Variants in ACTR3C observed in about 807,000 individuals in gnomAD.
ACTR3C encodes the protein actin-related protein 3C.
ACTR3C carries 18 observed loss-of-function variants against 26.3 expected under a neutral mutation model. That is an observed-to-expected ratio of 0.68 (90% CI 0.47 to 1.01). The LOEUF (loss-of-function observed/expected upper bound fraction) is 1.01, where lower values mean the gene tolerates loss of function less well. Among genes scored for constraint, ACTR3C ranks in the 50% least tolerant of loss-of-function variants. The pLI, the probability that ACTR3C is intolerant of heterozygous loss-of-function variation, is 0.00. For synonymous variants in ACTR3C, 55 were observed against 94.5 expected, an observed-to-expected ratio of 0.58 and a Z score of 2.42; for missense variants, 184 against 250.7, an observed-to-expected ratio of 0.73 and a Z score of 1.80.
the ACTR3C span, among the ~76,000 whole-genome samples, chr7:150,194,825 G>A: frequency 2.0e-5 from 3 of 152,032 alleles, no homozygotes; most frequent in Non-Finnish European, 1.5e-5. Context: ...GGGACGTGGT[G>A]CCTCACACCT....
chr7:150,321,630 C>T (rs1342812075), intron 1 of ACTR3C, among the ~76,000 whole-genome samples: 1 of 152,116 alleles, frequency 6.6e-6, no homozygotes, highest in Non-Finnish European at 1.5e-5. Context: ...GTCTTAGCTA[C>T]TTGGGAGACT....
chr7:150,146,485 T>C, the ACTR3C span, among the ~76,000 whole-genome samples: 1 of 152,232 alleles, frequency 6.6e-6, no homozygotes, highest in Non-Finnish European at 1.5e-5. Context: ...ACTTTACTAA[T>C]GAATTTAAAA....
chr7:150,168,594 C>T, the ACTR3C span, among the ~76,000 whole-genome samples: 1 of 150,884 alleles, frequency 6.6e-6, no homozygotes, highest in East Asian at 1.9e-4. Context: ...CCATCACCTG[C>T]CACTCCATAC....
the ACTR3C span, among the ~76,000 whole-genome samples, chr7:150,125,423 TAGAG>T: frequency 1.6e-3 from 234 of 143,900 alleles, no homozygotes; most frequent in African/African-American, 5.8e-3. Flanking sequence ...ATTTCTCTAA[TAGAG>T]AGTCTAGAAA....
the ACTR3C span, among the ~76,000 whole-genome samples, chr7:150,072,727 CAT>C: frequency 6.6e-6 from 1 of 152,136 alleles, no homozygotes; most frequent in Non-Finnish European, 1.5e-5. Context: ...GGCAGCCACC[CAT>C]GTTTCCGGGA....
chr7:150,319,469 A>T (rs1296702248), intron 1 of ACTR3C, among the ~76,000 whole-genome samples: 2 of 152,128 alleles, frequency 1.3e-5, no homozygotes, highest in African/African-American at 4.8e-5. Flanking sequence ...GGCCTCCCAA[A>T]GTGCTGGGAT....
chr7:149,996,598 T>A, the ACTR3C span, among the ~76,000 whole-genome samples: 3 of 151,912 alleles, frequency 2.0e-5, no homozygotes, highest in Non-Finnish European at 2.9e-5. Context: ...AATAAATAAA[T>A]AAAAAATAAA....
the ACTR3C span, among the ~76,000 whole-genome samples, chr7:149,895,512 A>G: frequency 6.6e-6 from 1 of 152,152 alleles, no homozygotes; most frequent in Admixed American, 6.5e-5. Context: ...AAAAACACAC[A>G]ATGTTATCTG....
the ACTR3C span, among the ~76,000 whole-genome samples, chr7:150,087,542 T>C: frequency 6.6e-6 from 1 of 152,220 alleles, no homozygotes; most frequent in Non-Finnish European, 1.5e-5. Flanking sequence ...AAGGGCTCTC[T>C]GCTTAGGGCT....
At chr7:149,946,272 C>G in the ACTR3C span, among the ~76,000 whole-genome samples, 1 of 152,206 alleles carries the variant, frequency 6.6e-6, no homozygotes. Flanking sequence ...GTGAAATTCT[C>G]TCTTCTCCCT....
the ACTR3C span, among the ~76,000 whole-genome samples, chr7:150,092,695 T>C: frequency 6.6e-6 from 1 of 150,502 alleles, no homozygotes; most frequent in East Asian, 1.9e-4. Flanking sequence ...CTGCCCACAC[T>C]CCGTTGCATC....
At chr7:150,106,030 CA>C in the ACTR3C span, among the ~76,000 whole-genome samples, 3 of 152,070 alleles carry the variant, frequency 2.0e-5, no homozygotes, top group South Asian at 6.2e-4. Context: ...TAGAAAGAAA[CA>C]AAACAGAAAA....
At chr7:150,240,484 T>C (rs1223202704), downstream of ACTR3C, among the ~76,000 whole-genome samples, 1 of 152,156 alleles carries the variant, frequency 6.6e-6, no homozygotes, top group Non-Finnish European at 1.5e-5. Context: ...AAAACCTAGA[T>C]GACAGGTTGA....
the ACTR3C span, among the ~76,000 whole-genome samples, chr7:149,940,084 T>C: frequency 3.3e-5 from 5 of 150,636 alleles, no homozygotes; most frequent in African/African-American, 1.2e-4. Context: ...TGGTCTCCTT[T>C]GGCTAAATTT....
At chr7:150,143,914 GAGA>G in the ACTR3C span, among the ~76,000 whole-genome samples, 2 of 152,246 alleles carry the variant, frequency 1.3e-5, no homozygotes, top group Non-Finnish European at 2.9e-5. Context: ...GCTTCTGGAA[GAGA>G]AGGAGATCAG....
the ACTR3C span, among the ~76,000 whole-genome samples, chr7:149,929,765 AGGT>A: frequency 1.3e-5 from 2 of 152,154 alleles, no homozygotes; most frequent in Non-Finnish European, 2.9e-5. Context: ...TCCTGCCCTC[AGGT>A]GATCCGCCCG....
chr7:150,088,808 T>A, the ACTR3C span, among the ~76,000 whole-genome samples: 2 of 152,206 alleles, frequency 1.3e-5, no homozygotes, highest in African/African-American at 4.8e-5. Flanking sequence ...TCTCTGAAAC[T>A]CATTTCCTCG....
At chr7:150,250,404 C>A (rs1431945479) in intron 6 of ACTR3C, among the ~76,000 whole-genome samples, 2 of 151,758 alleles carry the variant, frequency 1.3e-5, no homozygotes, top group East Asian at 1.9e-4. Flanking sequence ...GGGGTTTCAC[C>A]GTGTTAGCCA....
the ACTR3C span, among the ~76,000 whole-genome samples, chr7:150,100,998 C>T: frequency 2.0e-5 from 3 of 151,782 alleles, no homozygotes; most frequent in South Asian, 2.1e-4. Flanking sequence ...AGCCACCCCC[C>T]ACTGCCAAGT....
Sources: gnomAD v4.1 joint callset for allele counts (sites outside exome capture counted in the v4.1 genomes callset) on GRCh38, gnomAD v4.1.1 for gene constraint, MANE v1.5 for transcripts, NCBI Gene and HGNC (gene_info 2026-07-23, HGNC 2026-07-21) for gene names.